Variants in FAM133A observed in about 807,000 individuals in gnomAD.
FAM133A encodes protein FAM133A.
For synonymous variants in FAM133A, 65 were observed against 58.6 expected (o/e 1.11, Z -0.50); for missense variants, 159 against 164.4 (o/e 0.97, Z 0.18).
At chrX:93,690,287 A>G (rs1048726037) in intron 2 of FAM133A, among the ~76,000 whole-genome samples, 2 of 111,550 alleles carry the variant, frequency 1.8e-5, no homozygotes, top group African/African-American at 6.5e-5. Context: ...CAATAATTTT[A>G]GCAAATTTAT....
intron 3 of FAM133A, among the ~76,000 whole-genome samples, chrX:93,699,878 C>G (rs1454933832): frequency 9.0e-6 from 1 of 110,784 alleles, no homozygotes; most frequent in Non-Finnish European, 1.9e-5. Context: ...ATCTTAGAGC[C>G]TCCCCCCAGT....
At chrX:93,683,901 A>C in intron 2 of FAM133A, among the ~76,000 whole-genome samples, 1 of 111,372 alleles carries the variant, frequency 9.0e-6, no homozygotes, top group South Asian at 3.7e-4. Flanking sequence ...TCTGGATATT[A>C]ATTCCCTGTT....
At chrX:93,691,432 T>C (rs1418721657) in intron 2 of FAM133A, among the ~76,000 whole-genome samples, 3 of 112,268 alleles carry the variant, frequency 2.7e-5, no homozygotes, top group Admixed American at 9.5e-5. Flanking sequence ...GTCTTTGTCC[T>C]TTTGTAAAAA....
chrX:93,701,983 C>A (rs1021510183), intron 3 of FAM133A, among the ~76,000 whole-genome samples: 2 of 111,573 alleles, frequency 1.8e-5, no homozygotes, highest in Non-Finnish European at 3.8e-5. Flanking sequence ...TGGACTTTGT[C>A]GATGATGACT....
intron 2 of FAM133A, among the ~76,000 whole-genome samples, chrX:93,682,906 C>T (rs1448185086): frequency 1.8e-5 from 2 of 111,892 alleles, no homozygotes; most frequent in East Asian, 5.6e-4. Flanking sequence ...TGAGCCACCG[C>T]GTTCAGCCAG....
chrX:93,709,468 G>A lies in FAM133A; in HGVS notation c.49G>A (p.Ala17Thr), dbSNP rs1322084609. The change falls in exon 4 of 4, where the codon GCC becomes ACC. Residue 17 changes from alanine to threonine, a missense_variant. Transcript: ENST00000683942. ...RVAYMNPIAMARWRGPTQSVG... is the reference protein window; with the variant it reads ...RVAYMNPIAMTRWRGPTQSVG... ...AGCCTATATGAATCCTATAGCAATG[G>A]CCAGATGGAGAGGCCCAACTCAATC... 1 of 1,199,377 alleles carries A rather than the reference G, an allele frequency of 8.3e-7. No homozygotes were observed. Among genetic ancestry groups the A allele is most frequent in the East Asian group, 3.0e-5 (1 of 33,639 alleles).
intron 3 of FAM133A, among the ~76,000 whole-genome samples, chrX:93,702,478 A>G (rs1388204624): frequency 1.8e-5 from 2 of 111,362 alleles, no homozygotes; most frequent in Non-Finnish European, 3.8e-5. Context: ...ATACTCATGA[A>G]TCGATACTGG....
intron 2 of FAM133A, among the ~76,000 whole-genome samples, chrX:93,692,156 A>G (rs1248872331): frequency 8.9e-6 from 1 of 111,830 alleles, no homozygotes; most frequent in Non-Finnish European, 1.9e-5. Flanking sequence ...TACCGATTCT[A>G]TAGCCCTAAT....
intron 2 of FAM133A, 108 bp from the exon 3 acceptor site, chrX:93,698,289 C>T (rs890379069): frequency 9.8e-5 from 11 of 111,913 alleles, no homozygotes; most frequent in Non-Finnish European, 1.9e-4. Flanking sequence ...AATTTTCTTA[C>T]ATTTTTTGTT....
chrX:93,690,707 C>T (rs139904965), intron 2 of FAM133A, among the ~76,000 whole-genome samples: 1,127 of 111,465 alleles, frequency 0.01, 29 homozygotes, highest in Admixed American at 0.065. Flanking sequence ...TTTGTGTAGA[C>T]AAATGTTTTT....
intron 3 of FAM133A, among the ~76,000 whole-genome samples, chrX:93,705,147 A>G (rs774401677): frequency 6.3e-5 from 7 of 111,606 alleles, no homozygotes; most frequent in South Asian, 7.4e-4. Context: ...CTAAACTGTA[A>G]TATCCATTGC....
chrX:93,682,638 A>G (rs1290905955), intron 2 of FAM133A, among the ~76,000 whole-genome samples: 2 of 110,880 alleles, frequency 1.8e-5, no homozygotes, highest in Non-Finnish European at 3.8e-5. Context: ...TTTTTGAGAC[A>G]AAGTTTTGCT....
intron 2 of FAM133A, among the ~76,000 whole-genome samples, chrX:93,684,327 T>A (rs974374870): frequency 2.7e-5 from 3 of 112,274 alleles, no homozygotes; most frequent in African/African-American, 9.7e-5. Flanking sequence ...TGTGGATTAA[T>A]GTTTTGATTT....
At position 93,694,918 on chromosome X, in the gene FAM133A, G is replaced by A. The variant is rs1375948183; in HGVS notation, c.-192-3479G>A. On this transcript the variant is annotated intron_variant, in intron 2 of 3. Transcript: ENST00000683942. ...GCTGGTTATCAAACTAAACATTCCT[G>A]TGTTTATAATATTTCCCAGTATAAG... 5.4e-5 allele frequency among the ~76,000 whole-genome samples: 6 copies of A among 111,635 alleles called. No homozygotes were observed. The Admixed American group carries it at 5.7e-4, about 11-fold the overall frequency.
At chrX:93,675,306 A>T (rs1421696553) in intron 2 of FAM133A, among the ~76,000 whole-genome samples, 1 of 112,087 alleles carries the variant, frequency 8.9e-6, no homozygotes, top group Non-Finnish European at 1.9e-5. Flanking sequence ...ATTTATGTAT[A>T]CTGCTTTATC....
intron 2 of FAM133A, among the ~76,000 whole-genome samples, chrX:93,686,476 C>T (rs1350449026): frequency 8.9e-6 from 1 of 112,083 alleles, no homozygotes; most frequent in African/African-American, 3.3e-5. Flanking sequence ...TAGACTCTGG[C>T]TAACTTATGT....
At chrX:93,702,401 C>T (rs1391912970) in intron 3 of FAM133A, among the ~76,000 whole-genome samples, 3 of 111,105 alleles carry the variant, frequency 2.7e-5, no homozygotes, top group Admixed American at 9.6e-5. Flanking sequence ...CTTTCAGTGG[C>T]CAAAGCTGGA....
At chrX:93,704,898 C>T (rs1266283886) in intron 3 of FAM133A, among the ~76,000 whole-genome samples, 1 of 111,159 alleles carries the variant, frequency 9.0e-6, no homozygotes, top group Non-Finnish European at 1.9e-5. Flanking sequence ...ACAATTTTGG[C>T]TCTTTTATTA....
In FAM133A at chrX:93,682,887, T is replaced by C. The variant is rs763180777; in HGVS notation, c.-193+8135T>C. Among the ~76,000 whole-genome samples the C allele has an allele frequency of 1.7e-3, 190 of 111,913 alleles. 2 individuals are homozygous for C. Among genetic ancestry groups the C allele is most frequent in the Non-Finnish European group, 3.0e-3 (161 of 53,223 alleles). ...GCCTCGGCCTCCCAAAGTGCTGGGATTACAGGAGTGAGCCACCGCGTTCAG... is the reference window on the plus strand; with the variant it reads ...GCCTCGGCCTCCCAAAGTGCTGGGACTACAGGAGTGAGCCACCGCGTTCAG... On this transcript the variant is annotated intron_variant, in intron 2 of 3. Transcript: ENST00000683942.
Sources: gnomAD v4.1 joint callset for allele counts (sites outside exome capture counted in the v4.1 genomes callset) on GRCh38, gnomAD v4.1.1 for gene constraint, MANE v1.5 for transcripts, NCBI Gene and HGNC (gene_info 2026-07-23, HGNC 2026-07-21) for gene names.